Variants in LRRC74A observed in about 807,000 individuals in gnomAD.
LRRC74A encodes the protein leucine-rich repeat-containing protein 74A.
LRRC74A carries 44 observed loss-of-function variants against 57.9 expected under a neutral mutation model. The ratio of observed to expected loss-of-function variants is 0.76; its 90% confidence interval spans 0.60 to 0.98. The LOEUF (loss-of-function observed/expected upper bound fraction) is 0.98, where lower values mean the gene tolerates loss of function less well. Ranked by LOEUF, LRRC74A falls within the 50% of genes least tolerant of loss-of-function variation. The pLI is 0.00. For synonymous variants in LRRC74A, 211 were observed against 219.4 expected, an observed-to-expected ratio of 0.96 and a Z score of 0.34; for missense variants, 572 against 574.0, an observed-to-expected ratio of 1.00 and a Z score of 0.04.
intron 3 of LRRC74A, 127 bp downstream of exon 3, chr14:76,831,502 G>T (rs1595341432): frequency 1.0e-6 from 1 of 993,526 alleles, no homozygotes; most frequent in East Asian, 2.5e-5. Context: ...ATGCCACACT[G>T]CCCTGGGCTC....
At chr14:76,869,016 C>T (rs78073923) in intron 13 of LRRC74A, among the ~76,000 whole-genome samples, 2 of 152,072 alleles carry the variant, frequency 1.3e-5, no homozygotes, top group Admixed American at 6.5e-5. Flanking sequence ...GGCTCAGGCC[C>T]GCCCTGCTAC....
At chr14:76,847,716 G>A (rs866878749) in intron 7 of LRRC74A, among the ~76,000 whole-genome samples, 2 of 151,942 alleles carry the variant, frequency 1.3e-5, no homozygotes, top group Admixed American at 6.6e-5. Context: ...TGTTTTAGTG[G>A]AGTGGGTGAG....
intron 11 of LRRC74A, among the ~76,000 whole-genome samples, chr14:76,862,444 CGCTCG>C (rs1898384889): frequency 3.0e-3 from 1 of 328 alleles, no homozygotes; most frequent in East Asian, 0.17. Context: ...GCACAAGAAT[CGCTCG>C]ACGCTTGAAC....
chr14:76,860,570 GAACA>G lies in LRRC74A; in HGVS notation c.1054-119_1054-116del. The G allele has an allele frequency of 3.1e-6, 3 of 964,166 alleles. No individual in the cohort carries two copies. The East Asian group carries it at 8.6e-5, about 28-fold the overall frequency. The allele number at this position is 964,166 out of a possible 1,614,324, so 59.7% of individuals were successfully genotyped here. A position where few individuals can be genotyped will look rare whatever the true frequency, so the allele number is the denominator to read the frequency against. ...TATCCCAGTCCAGGAGCAGCACTGA[GAACA>G]AACTGGAAGAGACAAAACTTCCTGA... On this transcript the variant is annotated intron_variant, in intron 10 of 13. Transcript: ENST00000689127.
chr14:76,848,447 T>C (rs1282828518), intron 7 of LRRC74A, among the ~76,000 whole-genome samples: 1 of 150,078 alleles, frequency 6.7e-6, no homozygotes, highest in Non-Finnish European at 1.5e-5. Flanking sequence ...CACATGCCTA[T>C]AGTCCCAGCT....
At position 76,826,416 on chromosome 14, in the gene LRRC74A, C is replaced by G; in HGVS notation, c.-282C>G. The G allele has an allele frequency of 9.2e-7, 1 of 1,090,586 alleles. No homozygotes were observed. The highest frequency in any genetic ancestry group is 1.3e-6 in the Non-Finnish European group (1 of 767,616). 67.6% of individuals were successfully genotyped at this position (1,090,586 alleles called of 1,614,324 possible). A position where few individuals can be genotyped will look rare whatever the true frequency, so the allele number is the denominator to read the frequency against. On this transcript the variant is annotated 5_prime_UTR_variant, in exon 1 of 14. Coordinates refer to ENST00000689127, the MANE Select transcript of LRRC74A (RefSeq NM_001385106.1). Reference sequence around the variant, plus strand: ...GGGTGGGGATCCTTTCAACAGGGCTCCCAGCAATAGAGCAGTCCCACTCTC... The same window carrying G: ...GGGTGGGGATCCTTTCAACAGGGCTGCCAGCAATAGAGCAGTCCCACTCTC...
chr14:76,831,591 G>A (rs1895977262), intron 3 of LRRC74A, among the ~76,000 whole-genome samples: 3 of 152,106 alleles, frequency 2.0e-5, no homozygotes, highest in African/African-American at 7.2e-5. Context: ...TATGCTCCTT[G>A]CAGAGACTTT....
At chr14:76,852,175 T>C (rs11629409) in intron 7 of LRRC74A, among the ~76,000 whole-genome samples, 190 bp from the exon 8 acceptor site, 8 of 152,118 alleles carry the variant, frequency 5.3e-5, no homozygotes, top group African/African-American at 1.9e-4. Flanking sequence ...TTTCACCACA[T>C]CTTTGCCAGC....
chr14:76,843,567 C>G (rs1896924080), intron 5 of LRRC74A, among the ~76,000 whole-genome samples: 1 of 152,096 alleles, frequency 6.6e-6, no homozygotes, highest in African/African-American at 2.4e-5. Context: ...ATGCTACCAA[C>G]TCCTGGAAGT....
At chr14:76,867,693 G>C (rs972198904) in intron 13 of LRRC74A, among the ~76,000 whole-genome samples, 1 of 152,164 alleles carries the variant, frequency 6.6e-6, no homozygotes, top group Admixed American at 6.5e-5. Context: ...GGAGGAGCCG[G>C]AGCCCACACT....
At chr14:76,839,817 G>A (rs559234023) in intron 5 of LRRC74A, among the ~76,000 whole-genome samples, 13 of 152,094 alleles carry the variant, frequency 8.5e-5, no homozygotes, top group African/African-American at 2.7e-4. Context: ...TGCAACCCCC[G>A]CCTCCCAGGT....
chr14:76,844,574 A>G (rs2140280467), intron 6 of LRRC74A, 102 bp downstream of exon 6: 1 of 1,229,306 alleles, frequency 8.1e-7, no homozygotes, highest in Non-Finnish European at 1.2e-6. Context: ...CTACTTTCAC[A>G]TGTTAGGGAC....
chr14:76,863,546 T>C (rs984982204), intron 11 of LRRC74A, among the ~76,000 whole-genome samples: 1 of 152,184 alleles, frequency 6.6e-6, no homozygotes, highest in Admixed American at 6.5e-5. Flanking sequence ...CCTTCTTGGA[T>C]TCCCTGGTCA....
chr14:76,839,577 C>T (rs753066453), intron 5 of LRRC74A, among the ~76,000 whole-genome samples: 6 of 152,134 alleles, frequency 3.9e-5, no homozygotes, highest in Non-Finnish European at 5.9e-5. Context: ...ATGTGTTTCT[C>T]GCTATTATTG....
At chr14:76,838,285 T>A (rs562089251) in intron 5 of LRRC74A, among the ~76,000 whole-genome samples, 18 of 152,214 alleles carry the variant, frequency 1.2e-4, no homozygotes, top group Non-Finnish European at 2.1e-4. Flanking sequence ...TCATAAACTA[T>A]GTTTAATATG....
At chr14:76,858,613 G>C (rs775793142) in intron 10 of LRRC74A, among the ~76,000 whole-genome samples, 8 of 152,092 alleles carry the variant, frequency 5.3e-5, no homozygotes, top group Non-Finnish European at 1.0e-4. Context: ...TAAGTAAACT[G>C]AAACAGAGTC....
intron 11 of LRRC74A, among the ~76,000 whole-genome samples, chr14:76,864,728 C>T (rs555318930): frequency 6.6e-6 from 1 of 152,216 alleles, no homozygotes; most frequent in African/African-American, 2.4e-5. Flanking sequence ...ATGGCGCATG[C>T]CTGTAATCCC....
At position 76,831,312 on chromosome 14, in the gene LRRC74A, C is replaced by T. The variant is rs756252822; in HGVS notation, c.276C>T (p.Tyr92=). 1.2e-5 allele frequency: 19 copies of T among 1,613,858 alleles called. No homozygotes were observed. Among genetic ancestry groups the T allele is most frequent in the East Asian group, 1.1e-4 (5 of 44,896 alleles). Residue 92 remains tyrosine (Y), a synonymous_variant, in exon 3 of 14, where the codon TAC becomes TAT. Transcript: ENST00000689127. The part of the protein sequence containing the change: ...SYFIRNMEES[Y]VNLNHHGLGP... ...TCATTCGGAACATGGAGGAGTCCTACGTGAACCTCAACCACCACGGCCTGG... is the reference window on the plus strand; with the variant it reads ...TCATTCGGAACATGGAGGAGTCCTATGTGAACCTCAACCACCACGGCCTGG...
chr14:76,836,195 T>C lies in LRRC74A; in HGVS notation c.340-12T>C. The stretch of plus-strand genomic sequence containing the variant: ...TTCTGTGTCTCTCTCCCTCCCCTTG[T>C]GCTGGCTGAAGTCCAACATGGCTGT... On this transcript the variant is annotated splice_polypyrimidine_tract_variant and intron_variant, in intron 3 of 13. Transcript: ENST00000689127. 1.2e-6 allele frequency: 2 copies of C among 1,601,498 alleles called. No individual in the cohort carries two copies. Among genetic ancestry groups the C allele is most frequent in the South Asian group, 1.1e-5 (1 of 90,354 alleles).
Sources: gnomAD v4.1 joint callset for allele counts (sites outside exome capture counted in the v4.1 genomes callset) on GRCh38, gnomAD v4.1.1 for gene constraint, MANE v1.5 for transcripts, NCBI Gene and HGNC (gene_info 2026-07-23, HGNC 2026-07-21) for gene names.